Variants in CTNNA1 observed in about 807,000 individuals in gnomAD.
The protein encoded by CTNNA1 is catenin alpha-1.
CTNNA1 carries 37 observed loss-of-function variants against 98.4 expected under a neutral mutation model. That is an observed-to-expected ratio of 0.38 (90% CI 0.29 to 0.49). The LOEUF is 0.49. Ranked by LOEUF, CTNNA1 falls within the 20% of genes least tolerant of loss-of-function variation. CTNNA1 has a pLI of 0.95. For synonymous variants in CTNNA1, 404 were observed against 413.2 expected (o/e 0.98, Z 0.27); for missense variants, 761 against 1,147.2 (o/e 0.66, Z 4.86).
chr5:138,918,968 A>T (rs75843237), intron 11 of CTNNA1, among the ~76,000 whole-genome samples: 5 of 152,284 alleles, frequency 3.3e-5, no homozygotes, highest in Admixed American at 2.0e-4. Flanking sequence ...CTGCATACCA[A>T]TGCCTCCCTG....
intron 10 of CTNNA1, 89 bp downstream of exon 10, chr5:138,904,530 G>T (rs58468779): frequency 2.0e-6 from 3 of 1,510,548 alleles, no homozygotes; most frequent in African/African-American, 2.8e-5. Flanking sequence ...GTTTTGTTTT[G>T]TTTTTAGGAT....
intron 10 of CTNNA1, among the ~76,000 whole-genome samples, chr5:138,913,677 CTAT>C (rs1761144320): frequency 6.6e-6 from 1 of 151,658 alleles, no homozygotes; most frequent in Non-Finnish European, 1.5e-5. Context: ...ACAGTTTTTC[CTAT>C]TATTTTCATT....
intron 10 of CTNNA1, 106 bp from the exon 11 acceptor site, chr5:138,917,636 A>T: frequency 9.2e-7 from 1 of 1,090,584 alleles, no homozygotes; most frequent in Admixed American, 2.4e-5. Context: ...CATCTTTGTG[A>T]TAGTTAGGAT....
chr5:138,889,633 C>A (rs376758796), intron 9 of CTNNA1, among the ~76,000 whole-genome samples: 1 of 145,910 alleles, frequency 6.9e-6, no homozygotes, highest in African/African-American at 2.6e-5. Context: ...AAGGCCCCCC[C>A]ACCCCCACCC....
intron 3 of CTNNA1, among the ~76,000 whole-genome samples, chr5:138,796,251 T>C (rs1756954954): frequency 6.6e-6 from 1 of 152,196 alleles, no homozygotes; most frequent in African/African-American, 2.4e-5. Context: ...GACTGAAGGC[T>C]CCTATTGTTA....
At chr5:138,911,145 G>A (rs1760530580) in intron 10 of CTNNA1, among the ~76,000 whole-genome samples, 1 of 152,150 alleles carries the variant, frequency 6.6e-6, no homozygotes, top group Admixed American at 6.5e-5. Context: ...GCCGAGGTGG[G>A]AGGATTGCTT....
intron 1 of CTNNA1, among the ~76,000 whole-genome samples, chr5:138,776,225 G>A (rs1392174722): frequency 6.6e-6 from 1 of 151,764 alleles, no homozygotes; most frequent in East Asian, 2.0e-4. Flanking sequence ...GGGTACTTGA[G>A]ATTAGGGAGT....
At chr5:138,818,153 A>T in intron 5 of CTNNA1, among the ~76,000 whole-genome samples, 2 of 123,328 alleles carry the variant, frequency 1.6e-5, no homozygotes, top group African/African-American at 3.2e-5. Context: ...TTTTTCAGAC[A>T]GGGTCTTGCT....
intron 1 of CTNNA1, among the ~76,000 whole-genome samples, chr5:138,769,094 T>C (rs1043632987): frequency 6.6e-6 from 1 of 152,136 alleles, no homozygotes; most frequent in Admixed American, 6.6e-5. Context: ...GGTCTTCCTA[T>C]GTTGCCCAGG....
At chr5:138,921,869 G>A (rs1395404714) in intron 11 of CTNNA1, among the ~76,000 whole-genome samples, 4 of 151,498 alleles carry the variant, frequency 2.6e-5, no homozygotes, top group Non-Finnish European at 5.9e-5. Context: ...CAAAGTGCTG[G>A]GATTACAGGC....
At chr5:138,849,891 A>G (rs1365936024) in intron 7 of CTNNA1, among the ~76,000 whole-genome samples, 1 of 152,072 alleles carries the variant, frequency 6.6e-6, no homozygotes, top group Non-Finnish European at 1.5e-5. Flanking sequence ...AAGAGTATCT[A>G]ATGAGCATTG....
intron 9 of CTNNA1, among the ~76,000 whole-genome samples, chr5:138,892,868 TAGCC>T (rs1755787783): frequency 6.6e-6 from 1 of 151,468 alleles, no homozygotes; most frequent in Non-Finnish European, 1.5e-5. Context: ...AATACAAAAA[TAGCC>T]AGGTGAGGTG....
chr5:138,856,487 G>A (rs888382273), intron 7 of CTNNA1, among the ~76,000 whole-genome samples: 7 of 152,152 alleles, frequency 4.6e-5, no homozygotes, highest in Non-Finnish European at 8.8e-5. Flanking sequence ...GACTACAGGT[G>A]TGTGTTACCA....
chr5:138,766,390 C>T (rs1363141830), intron 1 of CTNNA1, among the ~76,000 whole-genome samples: 1 of 149,872 alleles, frequency 6.7e-6, no homozygotes, highest in Non-Finnish European at 1.5e-5. Flanking sequence ...CTAGAGTAGG[C>T]GAGGCTTGTA....
chr5:138,778,883 T>TA (rs1379894557), intron 1 of CTNNA1, among the ~76,000 whole-genome samples: 1 of 151,564 alleles, frequency 6.6e-6, no homozygotes, highest in Admixed American at 6.6e-5. Flanking sequence ...AGTTCAAAGT[T>TA]ACGTTTTTTT....
At chr5:138,878,205 G>A (rs954878174) in intron 7 of CTNNA1, among the ~76,000 whole-genome samples, 3 of 152,174 alleles carry the variant, frequency 2.0e-5, no homozygotes, top group Non-Finnish European at 4.4e-5. Flanking sequence ...GCCCCTTCCA[G>A]GTCACCAGCC....
chr5:138,763,205 T>C (rs1282785010), intron 1 of CTNNA1, among the ~76,000 whole-genome samples: 2 of 152,206 alleles, frequency 1.3e-5, no homozygotes, highest in African/African-American at 4.8e-5. Context: ...TTAGACTACA[T>C]ACAGACTGTT....
intron 3 of CTNNA1, among the ~76,000 whole-genome samples, chr5:138,806,670 C>G (rs1758111731): frequency 2.6e-5 from 4 of 152,156 alleles, no homozygotes; most frequent in African/African-American, 7.2e-5. Flanking sequence ...CTCCCATCTT[C>G]TGCTTCTTCT....
At position 138,776,430 on chromosome 5, in the gene CTNNA1, C is replaced by CCCTTTT. The variant is rs1168415292; in HGVS notation, c.-2-5491_-2-5490insTTTTCC. 1.6e-4 allele frequency among the ~76,000 whole-genome samples: 25 copies of CCCTTTT among 152,300 alleles called. No individual in the cohort carries two copies. The East Asian group carries it at 3.3e-3, about 20-fold the overall frequency. On this transcript the variant is annotated intron_variant, in intron 1 of 17. Coordinates refer to ENST00000302763, the MANE Select transcript of CTNNA1 (RefSeq NM_001903.5). ...TAGTACAGAACAAAATGAAAAGTCT[C>CCCTTTT]CCGTGTCTGCCTCTTTCTACACAGA...
Sources: gnomAD v4.1 joint callset for allele counts (sites outside exome capture counted in the v4.1 genomes callset) on GRCh38, gnomAD v4.1.1 for gene constraint, MANE v1.5 for transcripts, NCBI Gene and HGNC (gene_info 2026-07-23, HGNC 2026-07-21) for gene names.